Variants in ZNF717 observed in about 807,000 individuals in gnomAD.
ZNF717 encodes krueppel-like factor X17.
In ZNF717, 9 loss-of-function variants were observed where a neutral mutation model predicts 13.8. That is an observed-to-expected ratio of 0.65 (90% CI 0.39 to 1.14). The LOEUF is 1.14. Ranked by LOEUF, ZNF717 falls within the 50% of genes most tolerant of loss-of-function variation. ZNF717 has a pLI of 0.01. For missense variants in ZNF717, 1,040 were observed against 1,080.7 expected (o/e 0.96, Z 0.53); for synonymous variants, 327 against 364.1 (o/e 0.90, Z 1.16).
In ZNF717 at chr3:75,736,743, G is replaced by C. The variant is rs1575752731; in HGVS notation, c.*135C>G. On this transcript the variant is annotated 3_prime_UTR_variant, in exon 5 of 5. Coordinates refer to ENST00000652011, the MANE Select transcript of ZNF717 (RefSeq NM_001290208.3). ...TGGGAACAACAAAGCCTGCATGATA[G>C]GACTTCTGTTACAGCATGGTTAAGA... 2.6e-5 allele frequency: 23 copies of C among 899,090 alleles called. No individual in the cohort carries two copies. The highest frequency in any genetic ancestry group is 3.4e-4 in the Middle Eastern group (1 of 2,912). 55.7% of individuals were successfully genotyped at this position (899,090 alleles called of 1,614,324 possible).
chr3:75,762,440 C>CAAAA (rs36024450), intron 2 of ZNF717, among the ~76,000 whole-genome samples: 14 of 116,424 alleles, frequency 1.2e-4, no homozygotes, highest in African/African-American at 3.7e-4. Flanking sequence ...GACTCCATCT[C>CAAAA]AAAAAAAAAA....
At chr3:75,710,855 A>G (rs78789723) in exon 6 of ZNF717, 4 of 152,160 alleles carry the variant, frequency 2.6e-5, no homozygotes, top group African/African-American at 9.7e-5. Flanking sequence ...CACATTTACA[A>G]TCTACTAACA....
chr3:75,753,910 A>T (rs58739533), intron 2 of ZNF717, among the ~76,000 whole-genome samples: 39,207 of 107,754 alleles, frequency 0.36, 5,403 homozygotes, highest in African/African-American at 0.48. Flanking sequence ...TCCACAACAC[A>T]ACTGCTGGGA....
chr3:75,772,990 A>G (rs1944019425), intron 2 of ZNF717, among the ~76,000 whole-genome samples: 2 of 152,230 alleles, frequency 1.3e-5, no homozygotes, highest in African/African-American at 4.8e-5. Context: ...GTTATAACAG[A>G]AACGGGACTG....
chr3:75,773,890 A>G (rs1196129712), intron 2 of ZNF717, among the ~76,000 whole-genome samples: 1 of 152,178 alleles, frequency 6.6e-6, no homozygotes, highest in East Asian at 1.9e-4. Flanking sequence ...TCTCTACTAA[A>G]AACACAAAAT....
chr3:75,721,646 A>G (rs1278471715), intron 4 of ZNF717, among the ~76,000 whole-genome samples: 1 of 152,252 alleles, frequency 6.6e-6, no homozygotes, highest in East Asian at 1.9e-4. Flanking sequence ...AGTTCAAATA[A>G]GTCAAAAATA....
At chr3:75,717,844 CACA>C (rs1938087482) in intron 4 of ZNF717, among the ~76,000 whole-genome samples, 2 of 152,178 alleles carry the variant, frequency 1.3e-5, no homozygotes, top group African/African-American at 2.4e-5. Flanking sequence ...CTCCAGCAAA[CACA>C]ACAATTCATT....
At chr3:75,759,614 G>A (rs1433137585) in intron 2 of ZNF717, among the ~76,000 whole-genome samples, 1 of 131,590 alleles carries the variant, frequency 7.6e-6, no homozygotes, top group Non-Finnish European at 1.7e-5. Flanking sequence ...TGTCACCCAG[G>A]GAGGAGCGCA....
intron 2 of ZNF717, 163 bp from the exon 3 acceptor site, chr3:75,741,899 T>C: frequency 1.1e-6 from 1 of 873,004 alleles, no homozygotes; most frequent in South Asian, 1.9e-5. Context: ...AGTCAAAGCA[T>C]CAGCCCAAAG....
At chr3:75,752,617 C>A (rs1238333051) in intron 2 of ZNF717, among the ~76,000 whole-genome samples, 3 of 115,420 alleles carry the variant, frequency 2.6e-5, no homozygotes, top group Non-Finnish European at 6.0e-5. Context: ...GATTCCAGAG[C>A]ACTCTGCTGT....
intron 2 of ZNF717, among the ~76,000 whole-genome samples, chr3:75,761,445 A>T (rs1265616397): frequency 2.6e-5 from 4 of 152,258 alleles, no homozygotes; most frequent in East Asian, 1.9e-4. Context: ...AAAACTAAGA[A>T]CTTTTCCTCT....
intron 2 of ZNF717, among the ~76,000 whole-genome samples, chr3:75,775,651 T>C (rs1439987521): frequency 1.3e-5 from 2 of 152,058 alleles, no homozygotes; most frequent in South Asian, 2.1e-4. Context: ...GGTCAGGAGT[T>C]TGAGACCAGC....
chr3:75,709,284 G>C (rs1291453783), downstream of ZNF717, among the ~76,000 whole-genome samples: 3 of 152,066 alleles, frequency 2.0e-5, no homozygotes, highest in Non-Finnish European at 4.4e-5. Context: ...ATAGGTGTGA[G>C]CCACTGCACC....
At chr3:75,761,095 TA>T (rs1425827493) in intron 2 of ZNF717, among the ~76,000 whole-genome samples, 1 of 151,838 alleles carries the variant, frequency 6.6e-6, no homozygotes, top group African/African-American at 2.4e-5. Flanking sequence ...CATGGAGAAA[TA>T]AAAAATCCAA....
chr3:75,778,514 G>A (rs1193946050), intron 2 of ZNF717, among the ~76,000 whole-genome samples: 1 of 151,604 alleles, frequency 6.6e-6, no homozygotes, highest in Non-Finnish European at 1.5e-5. Flanking sequence ...CAAAACAATG[G>A]CAGTGACGTG....
rs924792891 is a variant in ZNF717 at position 75,738,068 on chromosome 3, T to C, written c.1555A>G (p.Lys519Glu). The part of the protein sequence containing the change: ...CNECGKTFRC[K>E]SFLTVHQRTH... Reference sequence around the variant, plus strand: ...CTCTGATGGACAGTGAGGAATGACTTACAGCGAAAGGTTTTCCCACATTCA... The same window carrying C: ...CTCTGATGGACAGTGAGGAATGACTCACAGCGAAAGGTTTTCCCACATTCA... The change falls in exon 5 of 5, where the codon AAG becomes GAG. Residue 519 changes from lysine (K) to glutamate (E), a missense_variant. Around this residue, in one of 3 missense-constraint regions of ZNF717, gnomAD observed 873 missense variants for 832.8 expected, o/e 1.05. Coordinates refer to ENST00000652011, the MANE Select transcript of ZNF717 (RefSeq NM_001290208.3). 7.4e-7 allele frequency: 1 copy of C among 1,344,500 alleles called. No individual in the cohort carries two copies. The allele number at this position is 1,344,500 out of a possible 1,614,324, so 83.3% of individuals were successfully genotyped here. A position where few individuals can be genotyped will look rare whatever the true frequency, so the allele number is the denominator to read the frequency against.
intron 4 of ZNF717, among the ~76,000 whole-genome samples, chr3:75,741,036 C>CT (rs1430434272): frequency 3.9e-5 from 6 of 152,032 alleles, no homozygotes; most frequent in Non-Finnish European, 7.4e-5. Flanking sequence ...AGAAAAAGGC[C>CT]TAAGGAGAGG....
chr3:75,768,018 G>C (rs1370088126), intron 2 of ZNF717, among the ~76,000 whole-genome samples: 3 of 152,182 alleles, frequency 2.0e-5, no homozygotes, highest in Non-Finnish European at 4.4e-5. Flanking sequence ...AGAGCCCAGA[G>C]GGAGGAGTAA....
At chr3:75,746,900 G>A (rs1375724553) in intron 2 of ZNF717, among the ~76,000 whole-genome samples, 2 of 152,144 alleles carry the variant, frequency 1.3e-5, no homozygotes, top group Non-Finnish European at 2.9e-5. Context: ...GGCTTTTGTT[G>A]CCATTGCTTT....
Sources: allele counts gnomAD v4.1 joint callset (sites outside exome capture counted in the v4.1 genomes callset), GRCh38; gene constraint gnomAD v4.1.1; regional missense constraint gnomAD v4.1.1; transcripts MANE v1.5; gene names NCBI Gene and HGNC (gene_info 2026-07-23, HGNC 2026-07-21).